The following KIRREL3 variants were observed in gnomAD, a reference collection of about 807,000 sequenced individuals.
The protein encoded by KIRREL3 is kirre like nephrin family adhesion molecule 3.
A neutral mutation model predicts 89.7 loss-of-function variants in KIRREL3; 36 were observed. That is an observed-to-expected ratio of 0.40 (90% CI 0.31 to 0.53). KIRREL3 has a LOEUF of 0.53. KIRREL3 is among the 20% of genes least tolerant of loss of function. The probability of loss-of-function intolerance (pLI) is 0.49; values close to 1 mark genes in which losing one functional copy is unlikely to be tolerated. For synonymous variants in KIRREL3, 445 were observed against 441.4 expected, an observed-to-expected ratio of 1.01 and a Z score of -0.10; for missense variants, 864 against 1,056.6, an observed-to-expected ratio of 0.82 and a Z score of 2.53.
intron 1 of KIRREL3, among the ~76,000 whole-genome samples, chr11:126,721,700 CAG>C (rs1358564392): frequency 6.6e-6 from 1 of 152,140 alleles, no homozygotes; most frequent in Non-Finnish European, 1.5e-5. Flanking sequence ...AGAGAGAAGT[CAG>C]GGGATGAGCT....
chr11:126,845,257 T>C (rs1012705724), intron 1 of KIRREL3, among the ~76,000 whole-genome samples: 1 of 152,254 alleles, frequency 6.6e-6, no homozygotes, highest in African/African-American at 2.4e-5. Context: ...GCTGGGTCAC[T>C]AGGGCTGCTC....
chr11:126,856,618 T>A (rs1190827049), intron 1 of KIRREL3, among the ~76,000 whole-genome samples: 2 of 54,548 alleles, frequency 3.7e-5, no homozygotes, highest in Non-Finnish European at 7.2e-5. Flanking sequence ...CACAGACATA[T>A]ATTTTTTTTT....
intron 1 of KIRREL3, among the ~76,000 whole-genome samples, chr11:126,657,451 C>A (rs1363636255): frequency 1.1e-4 from 16 of 152,156 alleles, no homozygotes; most frequent in Non-Finnish European, 2.9e-5. Flanking sequence ...TCAGGAGAAA[C>A]CTCCATATGT....
chr11:126,813,331 C>T (rs1455301298), intron 1 of KIRREL3, among the ~76,000 whole-genome samples: 2 of 152,160 alleles, frequency 1.3e-5, no homozygotes, highest in Non-Finnish European at 2.9e-5. Flanking sequence ...GTCCAAAGCA[C>T]CTCTCCCACC....
In KIRREL3 at chr11:126,454,096, C is replaced by T. The variant is rs1012163307; in HGVS notation, c.848+2253G>A. On this transcript the variant is annotated intron_variant, in intron 7 of 16. Transcript: ENST00000525144. This position sits in a 1 kb window ranked among gnomAD's most constrained non-coding sequence, Gnocchi z 5.8. ...CCCATTAACTGCCACCCTCCCATCG[C>T]CCGGATTCACCAGCTGTTAACATTT... 1.3e-5 allele frequency among the ~76,000 whole-genome samples: 1 copy of T among 79,484 alleles called. No homozygotes were observed. The highest frequency in any genetic ancestry group is 2.9e-4 in the East Asian group (1 of 3,446). 52.1% of individuals were successfully genotyped at this position (79,484 alleles called of 152,430 possible).
At chr11:126,433,678 C>T (rs972791833) in intron 13 of KIRREL3, among the ~76,000 whole-genome samples, 1 of 152,218 alleles carries the variant, frequency 6.6e-6, no homozygotes, top group Non-Finnish European at 1.5e-5. Context: ...GACCAATAGA[C>T]GACAACGTCT....
At chr11:126,846,816 A>T (rs1042600888) in intron 1 of KIRREL3, among the ~76,000 whole-genome samples, 7 of 152,216 alleles carry the variant, frequency 4.6e-5, no homozygotes, top group Non-Finnish European at 1.0e-4. Flanking sequence ...AAGTTAGATA[A>T]GATAAAACTG....
chr11:126,766,033 C>T lies in KIRREL3; in HGVS notation c.56-203121G>A, dbSNP rs1485075799. The stretch of plus-strand genomic sequence containing the variant: ...GAATGATCTTAGCTGAGCAAATTCA[C>T]CTCCTTGCTTTGCCGTTTACTTCCA... On this transcript the variant is annotated intron_variant, in intron 1 of 16. Coordinates refer to ENST00000525144, the MANE Select transcript of KIRREL3 (RefSeq NM_032531.4). This position sits in a 1 kb window ranked among gnomAD's most constrained non-coding sequence, Gnocchi z 4.2. Among the ~76,000 whole-genome samples, 2 of 152,054 alleles carry T rather than the reference C, an allele frequency of 1.3e-5. No homozygotes were observed. Among genetic ancestry groups the T allele is most frequent in the East Asian group, 3.9e-4 (2 of 5,188 alleles).
rs539606471 is a variant in KIRREL3, at chr11:126,825,844, C to T, written c.55+174611G>A. On this transcript the variant is annotated intron_variant, in intron 1 of 16. Coordinates refer to ENST00000525144, the MANE Select transcript of KIRREL3 (RefSeq NM_032531.4). The stretch of plus-strand genomic sequence containing the variant: ...GGCACAGAGGGATTAAGTAACTTGC[C>T]CAAGGTCACACAAGGCCGCCGAGTT... 9.0e-4 allele frequency among the ~76,000 whole-genome samples: 137 copies of T among 152,264 alleles called. 2 individuals carry two copies. The highest frequency in any genetic ancestry group is 3.0e-3 in the African/African-American group (125 of 41,546).
In KIRREL3 at chr11:126,660,341, C is replaced by T. The variant is rs189467171; in HGVS notation, c.56-97429G>A. On this transcript the variant is annotated intron_variant, in intron 1 of 16. Transcript: ENST00000525144. ...CTCAGAGAATGCAAACTGTAATGCA[C>T]ATAAGACACAGACAATCCATGGAAA... Among the ~76,000 whole-genome samples, 9 of 152,302 alleles carry T rather than the reference C, an allele frequency of 5.9e-5. No homozygotes were observed. The East Asian group carries it at 1.7e-3, about 29-fold the overall frequency.
At chr11:126,959,710 C>T (rs1360930516) in intron 1 of KIRREL3, among the ~76,000 whole-genome samples, 1 of 152,140 alleles carries the variant, frequency 6.6e-6, no homozygotes, top group Non-Finnish European at 1.5e-5. Flanking sequence ...CACAAGCCTG[C>T]CTTTTCCTCC....
intron 1 of KIRREL3, among the ~76,000 whole-genome samples, chr11:126,625,888 C>T (rs1483630215): frequency 6.6e-6 from 1 of 152,178 alleles, no homozygotes; most frequent in Non-Finnish European, 1.5e-5. Flanking sequence ...CCTTTATTAC[C>T]CCTGTATAAT....
At chr11:126,434,238 C>T (rs747160504) in intron 13 of KIRREL3, among the ~76,000 whole-genome samples, 7 of 152,240 alleles carry the variant, frequency 4.6e-5, no homozygotes, top group Non-Finnish European at 1.0e-4. Context: ...AGCCTCCCCT[C>T]CATCCAAGGA....
At chr11:126,657,261 T>C (rs60334473) in intron 1 of KIRREL3, among the ~76,000 whole-genome samples, 12 of 119,482 alleles carry the variant, frequency 1.0e-4, no homozygotes, top group Admixed American at 8.1e-4. Context: ...AATAAATAAA[T>C]AAATAAATAA....
In KIRREL3 at chr11:126,497,428, G is replaced by A. The variant is rs186317098; in HGVS notation, c.433+23887C>T. On this transcript the variant is annotated intron_variant, in intron 4 of 16. Transcript: ENST00000525144. ...CCAGCATATTGCAAGTCAAAGGGAG[G>A]CCTTTCCGGTAATTTGAGCATTTCC... Among the ~76,000 whole-genome samples the A allele has an allele frequency of 2.5e-4, 38 of 152,258 alleles. No homozygotes were observed. The East Asian group carries it at 6.0e-3, about 24-fold the overall frequency.
At position 126,985,457 on chromosome 11, in the gene KIRREL3, G is replaced by T. The variant is rs537324931; in HGVS notation, c.55+14998C>A. 6.6e-6 allele frequency among the ~76,000 whole-genome samples: 1 copy of T among 152,184 alleles called. No individual in the cohort carries two copies. The highest frequency in any genetic ancestry group is 1.5e-5 in the Non-Finnish European group (1 of 68,034). ...AGAGCCACAAAAGGCTTCCTGGGGC[G>T]CTGTGGAATAAGGAAGGAAGGGCAT... On this transcript the variant is annotated intron_variant, in intron 1 of 16. Transcript: ENST00000525144. This position sits in a 1 kb window ranked among gnomAD's most constrained non-coding sequence, Gnocchi z 5.3.
intron 1 of KIRREL3, among the ~76,000 whole-genome samples, chr11:126,632,220 T>A (rs1302212223): frequency 2.0e-5 from 3 of 152,122 alleles, no homozygotes; most frequent in Non-Finnish European, 4.4e-5. Context: ...TGCCTATGAG[T>A]CTTTAGCTGA....
rs1290980917 is a variant in KIRREL3 at position 126,526,495 on chromosome 11, G to C, written c.283+43C>G. The C allele has an allele frequency of 1.3e-6, 2 of 1,582,038 alleles. No homozygotes were observed. The highest frequency in any genetic ancestry group is 2.3e-5 in the East Asian group (1 of 44,038). ...GGAAGGTGGATGGGTGAGTAAGGAA[G>C]TGATGGCCCCAGGCCCACCCCAGGA... On this transcript the variant is annotated intron_variant, in intron 3 of 16. Transcript: ENST00000525144. The surrounding 1 kb of genome is among the most constrained non-coding windows in gnomAD (Gnocchi z 5.7).
intron 1 of KIRREL3, among the ~76,000 whole-genome samples, chr11:126,922,141 A>G (rs879611301): frequency 1.2e-4 from 18 of 150,862 alleles, no homozygotes; most frequent in East Asian, 7.8e-4. Context: ...CTATCTATCT[A>G]TCTATCTATC....
Sources: allele counts gnomAD v4.1 joint callset (sites outside exome capture counted in the v4.1 genomes callset), GRCh38; gene constraint gnomAD v4.1.1; non-coding constraint Gnocchi (gnomAD v3.1); transcripts MANE v1.5; gene names NCBI Gene and HGNC (gene_info 2026-07-23, HGNC 2026-07-21).